The following CCSER1 variants were observed in gnomAD, a reference collection of about 807,000 sequenced individuals.
CCSER1 encodes coiled-coil serine rich protein 1.
In CCSER1, 41 loss-of-function variants were observed where a neutral mutation model predicts 82.0. That is an observed-to-expected ratio of 0.50 (90% CI 0.39 to 0.65). The LOEUF is 0.65. Among genes scored for constraint, CCSER1 ranks in the 30% least tolerant of loss-of-function variants. CCSER1 has a pLI of 0.00. For missense variants in CCSER1, 1,119 were observed against 1,064.2 expected, an observed-to-expected ratio of 1.05 and a Z score of -0.72; for synonymous variants, 414 against 383.9, an observed-to-expected ratio of 1.08 and a Z score of -0.92.
At chr4:90,590,309 G>A (rs1386286825) in intron 5 of CCSER1, among the ~76,000 whole-genome samples, 1 of 151,760 alleles carries the variant, frequency 6.6e-6, no homozygotes, top group South Asian at 2.1e-4. Context: ...GCCAGGTACG[G>A]TGTCTCATGC....
At chr4:90,632,739 A>G (rs1724682014) in intron 6 of CCSER1, among the ~76,000 whole-genome samples, 1 of 152,088 alleles carries the variant, frequency 6.6e-6, no homozygotes, top group Non-Finnish European at 1.5e-5. Context: ...GTTGGTATTA[A>G]ACATCCTGAA....
intron 8 of CCSER1, among the ~76,000 whole-genome samples, chr4:90,869,877 C>T (rs1462933652): frequency 6.6e-6 from 1 of 151,682 alleles, no homozygotes; most frequent in Admixed American, 6.6e-5. Flanking sequence ...TCTTTGATTT[C>T]TTTCAAGAAT....
intron 3 of CCSER1, among the ~76,000 whole-genome samples, chr4:90,384,673 G>A (rs1205317698): frequency 6.6e-6 from 1 of 152,118 alleles, no homozygotes; most frequent in Admixed American, 6.6e-5. Context: ...ACTCCTCTCT[G>A]TTCCAGTCAT....
chr4:90,940,034 A>G (rs1214280800), intron 9 of CCSER1, among the ~76,000 whole-genome samples: 2 of 152,148 alleles, frequency 1.3e-5, no homozygotes, highest in Non-Finnish European at 2.9e-5. Context: ...GTTTTTATCT[A>G]CATGAATGGT....
At chr4:90,471,671 A>G (rs1199829192) in intron 5 of CCSER1, among the ~76,000 whole-genome samples, 1 of 151,526 alleles carries the variant, frequency 6.6e-6, no homozygotes, top group Non-Finnish European at 1.5e-5. Context: ...GATTTCCCAT[A>G]AGAAAAAAAA....
intron 4 of CCSER1, among the ~76,000 whole-genome samples, chr4:90,415,366 A>G (rs943974667): frequency 6.6e-6 from 1 of 152,350 alleles, no homozygotes; most frequent in Middle Eastern, 3.4e-3. Context: ...GGAGCCTTAT[A>G]AGGAACGTAC....
intron 10 of CCSER1, among the ~76,000 whole-genome samples, chr4:91,226,020 T>C (rs1466623764): frequency 6.6e-6 from 1 of 151,908 alleles, no homozygotes; most frequent in Non-Finnish European, 1.5e-5. Context: ...TTTTTAAAAT[T>C]ATACTTTAAG....
intron 10 of CCSER1, among the ~76,000 whole-genome samples, chr4:91,578,131 G>A (rs1331667361): frequency 1.3e-5 from 2 of 151,908 alleles, no homozygotes; most frequent in African/African-American, 4.8e-5. Context: ...CACACATAAA[G>A]CTTATGCTGC....
chr4:90,237,776 T>C (rs963918636), intron 1 of CCSER1, among the ~76,000 whole-genome samples: 2 of 152,148 alleles, frequency 1.3e-5, no homozygotes, highest in African/African-American at 4.8e-5. Context: ...AAATTGAAAA[T>C]AACGACAACA....
chr4:90,161,793 C>G (rs1277966785), intron 1 of CCSER1, among the ~76,000 whole-genome samples: 1 of 152,006 alleles, frequency 6.6e-6, no homozygotes, highest in African/African-American at 2.4e-5. Flanking sequence ...TGTAAAAATT[C>G]TCATATTTTT....
chr4:90,499,334 G>T (rs1199173382), intron 5 of CCSER1, among the ~76,000 whole-genome samples: 1 of 152,020 alleles, frequency 6.6e-6, no homozygotes, highest in Admixed American at 6.6e-5. Flanking sequence ...ACTACCAAGA[G>T]ATCTATTTCA....
chr4:91,280,447 G>C (rs931977466), intron 10 of CCSER1, among the ~76,000 whole-genome samples: 1 of 152,150 alleles, frequency 6.6e-6, no homozygotes, highest in African/African-American at 2.4e-5. Flanking sequence ...ATACAGGTGG[G>C]TGCCAGCTGT....
intron 5 of CCSER1, among the ~76,000 whole-genome samples, chr4:90,592,344 G>T (rs11097255): frequency 0.28 from 41,879 of 151,990 alleles, 6,080 homozygotes; most frequent in East Asian, 0.55. Flanking sequence ...CTGTAAGACG[G>T]CATTAGACTT....
intron 5 of CCSER1, among the ~76,000 whole-genome samples, chr4:90,521,487 C>T (rs1773125482): frequency 1.3e-5 from 2 of 152,094 alleles, no homozygotes; most frequent in African/African-American, 4.8e-5. Flanking sequence ...CACCCACAAG[C>T]TTTTTACCCT....
chr4:90,322,644 A>G lies in CCSER1; in HGVS notation c.1509+9597A>G, dbSNP rs148597173. 1.3e-4 allele frequency among the ~76,000 whole-genome samples: 20 copies of G among 152,220 alleles called. No homozygotes were observed. The East Asian group carries it at 3.7e-3, about 28-fold the overall frequency. ...ACTTTATCAGTGTTTCATAGTTTTTATTGTAGAGATCTTTCACTTCTTTGG... is the reference window on the plus strand; with the variant it reads ...ACTTTATCAGTGTTTCATAGTTTTTGTTGTAGAGATCTTTCACTTCTTTGG... On this transcript the variant is annotated intron_variant, in intron 3 of 10. Coordinates refer to ENST00000509176, the MANE Select transcript of CCSER1 (RefSeq NM_001145065.2).
intron 5 of CCSER1, among the ~76,000 whole-genome samples, chr4:90,502,494 A>G (rs1310635853): frequency 2.6e-5 from 4 of 152,176 alleles, no homozygotes; most frequent in Non-Finnish European, 5.9e-5. Flanking sequence ...CTATATCACT[A>G]AAAGTTTGTG....
intron 9 of CCSER1, chr4:90,923,657 A>T (rs1728697092): frequency 2.4e-6 from 1 of 424,980 alleles, no homozygotes; most frequent in African/African-American, 2.0e-5. Context: ...TGCCTTATTA[A>T]TTTTTTTACA....
chr4:91,162,554 T>C (rs1244724099), intron 10 of CCSER1, among the ~76,000 whole-genome samples: 2 of 152,220 alleles, frequency 1.3e-5, no homozygotes, highest in Non-Finnish European at 2.9e-5. Flanking sequence ...TGAATCCGTC[T>C]GGTCCCGGAC....
At chr4:91,014,278 A>G (rs1561471172) in intron 9 of CCSER1, among the ~76,000 whole-genome samples, 5 of 134,222 alleles carry the variant, frequency 3.7e-5, no homozygotes, top group African/African-American at 1.2e-4. Context: ...GCTTTCCAAC[A>G]TTGACATATG....
Sources: allele counts gnomAD v4.1 joint callset (sites outside exome capture counted in the v4.1 genomes callset), GRCh38; gene constraint gnomAD v4.1.1; transcripts MANE v1.5; gene names NCBI Gene and HGNC (gene_info 2026-07-23, HGNC 2026-07-21).